Variants in SEMA3C observed in about 807,000 individuals in gnomAD.
The protein encoded by SEMA3C is semaphorin 3C.
In SEMA3C, 47 loss-of-function variants were observed where a neutral mutation model predicts 89.4. That is an observed-to-expected ratio of 0.53 (90% CI 0.42 to 0.67). The LOEUF is 0.67. SEMA3C is among the 30% of genes least tolerant of loss of function. The pLI, the probability that SEMA3C is intolerant of heterozygous loss-of-function variation, is 0.00. For missense variants in SEMA3C, 839 were observed against 929.1 expected (o/e 0.90, Z 1.26); for synonymous variants, 310 against 320.2 (o/e 0.97, Z 0.34).
chr7:80,851,560 G>A (rs140931059), intron 2 of SEMA3C, among the ~76,000 whole-genome samples: 310 of 139,288 alleles, frequency 2.2e-3, no homozygotes, highest in African/African-American at 6.6e-3. Flanking sequence ...AGATTAGGAT[G>A]AGCACATCAT....
chr7:80,811,529 A>C (rs1789469479), intron 5 of SEMA3C, among the ~76,000 whole-genome samples: 2 of 152,110 alleles, frequency 1.3e-5, no homozygotes, highest in Admixed American at 6.5e-5. Context: ...AGTTAGTACA[A>C]GCCCCCTACC....
chr7:80,787,073 T>C (rs1788820169), intron 12 of SEMA3C, among the ~76,000 whole-genome samples: 1 of 152,090 alleles, frequency 6.6e-6, no homozygotes, highest in Non-Finnish European at 1.5e-5. Context: ...AGTGAATGAA[T>C]GAGATGGACA....
chr7:80,798,345 A>C (rs1789117077), intron 10 of SEMA3C, 109 bp from the exon 11 acceptor site: 1 of 1,008,494 alleles, frequency 9.9e-7, no homozygotes, highest in African/African-American at 1.7e-5. Context: ...CCACCATAGA[A>C]AAGTTAAATG....
chr7:80,762,913 C>T (rs1226437757), intron 13 of SEMA3C, among the ~76,000 whole-genome samples: 1 of 152,138 alleles, frequency 6.6e-6, no homozygotes, highest in African/African-American at 2.4e-5. Flanking sequence ...ATCAAATGTA[C>T]CCCCGTTATT....
chr7:80,893,040 C>T (rs923873609), intron 2 of SEMA3C, among the ~76,000 whole-genome samples: 4 of 152,160 alleles, frequency 2.6e-5, no homozygotes. Flanking sequence ...TGTCCTTAAG[C>T]TCCTTCATTA....
chr7:80,878,316 T>G (rs1791248592), intron 2 of SEMA3C, among the ~76,000 whole-genome samples: 1 of 152,114 alleles, frequency 6.6e-6, no homozygotes, highest in South Asian at 2.1e-4. Flanking sequence ...AGGCGGAGGT[T>G]GCGGTGAGCC....
At chr7:80,771,913 C>G (rs889068962) in intron 12 of SEMA3C, among the ~76,000 whole-genome samples, 1 of 152,042 alleles carries the variant, frequency 6.6e-6, no homozygotes, top group Admixed American at 6.6e-5. Flanking sequence ...TAGGCAGCCC[C>G]GTACACGATA....
intron 2 of SEMA3C, among the ~76,000 whole-genome samples, chr7:80,839,133 G>A (rs1466342435): frequency 6.6e-6 from 1 of 152,102 alleles, no homozygotes; most frequent in East Asian, 1.9e-4. Context: ...TGAACTGGCA[G>A]TAACTTACTT....
At chr7:80,911,837 G>A (rs956393027) in intron 2 of SEMA3C, among the ~76,000 whole-genome samples, 9 of 152,012 alleles carry the variant, frequency 5.9e-5, no homozygotes, top group African/African-American at 1.5e-4. Context: ...GTATCACCAC[G>A]ATAGCCAGCA....
chr7:80,781,609 C>T (rs1788692331), intron 12 of SEMA3C, among the ~76,000 whole-genome samples: 1 of 152,174 alleles, frequency 6.6e-6, no homozygotes, highest in African/African-American at 2.4e-5. Context: ...CCTGGCCTGG[C>T]TCAGCAGCAG....
chr7:80,871,086 G>C (rs545908180), intron 2 of SEMA3C, among the ~76,000 whole-genome samples: 37 of 152,290 alleles, frequency 2.4e-4, no homozygotes, highest in African/African-American at 7.7e-4. Flanking sequence ...GCTAAATTGT[G>C]TTTTCTGTCA....
chr7:80,897,722 T>C (rs200869886), intron 2 of SEMA3C, among the ~76,000 whole-genome samples: 2 of 152,164 alleles, frequency 1.3e-5, no homozygotes, highest in East Asian at 1.9e-4. Context: ...AACAAGTAAA[T>C]AGAAATTCAG....
chr7:80,813,184 CTT>C (rs1022556676), intron 5 of SEMA3C, among the ~76,000 whole-genome samples: 3 of 152,010 alleles, frequency 2.0e-5, no homozygotes, highest in Non-Finnish European at 4.4e-5. Context: ...GAATGTATGA[CTT>C]TTTTCATTGC....
At chr7:80,909,706 T>A in intron 2 of SEMA3C, among the ~76,000 whole-genome samples, 1 of 152,136 alleles carries the variant, frequency 6.6e-6, no homozygotes, top group Admixed American at 6.6e-5. Context: ...AATCCTGATG[T>A]ACATAGCACA....
intron 1 of SEMA3C, among the ~76,000 whole-genome samples, chr7:80,917,718 G>C (rs1792311396): frequency 6.6e-6 from 1 of 152,190 alleles, no homozygotes; most frequent in African/African-American, 2.4e-5. Context: ...GACCATTAAA[G>C]AAACACAATC....
At chr7:80,874,251 G>C (rs1042531298) in intron 2 of SEMA3C, among the ~76,000 whole-genome samples, 1 of 152,102 alleles carries the variant, frequency 6.6e-6, no homozygotes, top group Non-Finnish European at 1.5e-5. Flanking sequence ...ATAACAATTA[G>C]CAGTGGTGTT....
chr7:80,912,370 A>ATTTTCT (rs1181809676), intron 2 of SEMA3C, among the ~76,000 whole-genome samples: 28 of 152,326 alleles, frequency 1.8e-4, no homozygotes, highest in Non-Finnish European at 3.5e-4. Flanking sequence ...GAAAATAGAC[A>ATTTTCT]TACGAGGCTA....
chr7:80,747,699 CAAAT>C (rs1229324282), intron 17 of SEMA3C, among the ~76,000 whole-genome samples: 2 of 152,114 alleles, frequency 1.3e-5, no homozygotes, highest in Non-Finnish European at 2.9e-5. Context: ...AAAGAGATCT[CAAAT>C]AAATAATAAT....
At chr7:80,877,293 C>T (rs1791224124) in intron 2 of SEMA3C, among the ~76,000 whole-genome samples, 1 of 152,214 alleles carries the variant, frequency 6.6e-6, no homozygotes, top group Non-Finnish European at 1.5e-5. Context: ...GTGGCAACCA[C>T]ATACTTTTAA....
Sources: gnomAD v4.1 joint callset for allele counts (sites outside exome capture counted in the v4.1 genomes callset) on GRCh38, gnomAD v4.1.1 for gene constraint, MANE v1.5 for transcripts, NCBI Gene and HGNC (gene_info 2026-07-23, HGNC 2026-07-21) for gene names.